The following UNC5C variants were observed in gnomAD, a reference collection of about 807,000 sequenced individuals.
The protein encoded by UNC5C is unc-5 netrin receptor C.
UNC5C carries 47 observed loss-of-function variants against 99.8 expected under a neutral mutation model. The observed-to-expected ratio is 0.47, with a 90% CI of 0.37 to 0.60. The LOEUF is 0.60. UNC5C is among the 20% of genes least tolerant of loss of function. The probability of loss-of-function intolerance (pLI) is 0.00; values close to 1 mark genes in which losing one functional copy is unlikely to be tolerated. For missense variants in UNC5C, 1,062 were observed against 1,165.9 expected, an observed-to-expected ratio of 0.91 and a Z score of 1.30; for synonymous variants, 487 against 452.2, an observed-to-expected ratio of 1.08 and a Z score of -0.98.
At position 95,262,738 on chromosome 4, in the gene UNC5C, T is replaced by C. The variant is rs150828177; in HGVS notation, c.595-12071A>G. Among the ~76,000 whole-genome samples, 430 of 152,312 alleles carry C rather than the reference T, an allele frequency of 2.8e-3. 1 individual carries two copies. Among genetic ancestry groups the C allele is most frequent in the East Asian group, 5.0e-3 (26 of 5,178 alleles). ...GGAAATTTTTATGCCTAAAATTTATTCTATTAGAGTAAAAACCTATGGGGG... is the reference window on the plus strand; with the variant it reads ...GGAAATTTTTATGCCTAAAATTTATCCTATTAGAGTAAAAACCTATGGGGG... On this transcript the variant is annotated intron_variant, in intron 4 of 15. Transcript: ENST00000453304.
chr4:95,385,459 G>C (rs1306714745), intron 1 of UNC5C, among the ~76,000 whole-genome samples: 1 of 152,144 alleles, frequency 6.6e-6, no homozygotes, highest in Non-Finnish European at 1.5e-5. Context: ...ATAGAAAGTA[G>C]AAGAGCAATT....
chr4:95,215,053 G>GA (rs1738201005), intron 10 of UNC5C, among the ~76,000 whole-genome samples: 1 of 152,022 alleles, frequency 6.6e-6, no homozygotes, highest in African/African-American at 2.4e-5. Context: ...ACCACCCGAG[G>GA]AAAAAAATGT....
chr4:95,444,782 A>G (rs1747049305), intron 1 of UNC5C, among the ~76,000 whole-genome samples: 1 of 152,162 alleles, frequency 6.6e-6, no homozygotes, highest in African/African-American at 2.4e-5. Context: ...CTCTTGGGCT[A>G]GCTCTGAAAG....
At chr4:95,502,381 C>G (rs1208276969) in intron 1 of UNC5C, among the ~76,000 whole-genome samples, 1 of 152,076 alleles carries the variant, frequency 6.6e-6, no homozygotes, top group African/African-American at 2.4e-5. Context: ...CGATCCTCCC[C>G]TTTCGGCCTC....
chr4:95,539,684 A>G (rs144398864), intron 1 of UNC5C, among the ~76,000 whole-genome samples: 228 of 152,256 alleles, frequency 1.5e-3, no homozygotes, highest in African/African-American at 5.2e-3. Flanking sequence ...GTAAGCACAT[A>G]TATGCTCACA....
At chr4:95,477,317 A>G (rs1720954215) in intron 1 of UNC5C, among the ~76,000 whole-genome samples, 2 of 152,074 alleles carry the variant, frequency 1.3e-5, no homozygotes, top group African/African-American at 4.8e-5. Flanking sequence ...AAATGATCAC[A>G]AAATGGATCA....
chr4:95,210,985 A>G lies in UNC5C; in HGVS notation c.1734-4189T>C, dbSNP rs573754202. 7.6e-4 allele frequency among the ~76,000 whole-genome samples: 116 copies of G among 152,342 alleles called. 1 individual carries two copies. Among genetic ancestry groups the G allele is most frequent in the Non-Finnish European group, 1.1e-3 (73 of 68,026 alleles). ...CAGATATTAACACACTTGCCTAAGGATGCAAAGCTAGGTAGGTTTCAAACA... is the reference window on the plus strand; with the variant it reads ...CAGATATTAACACACTTGCCTAAGGGTGCAAAGCTAGGTAGGTTTCAAACA... On this transcript the variant is annotated intron_variant, in intron 10 of 15. Coordinates refer to ENST00000453304, the MANE Select transcript of UNC5C (RefSeq NM_003728.4).
chr4:95,249,278 C>A (rs1016962261), intron 5 of UNC5C, among the ~76,000 whole-genome samples: 2 of 152,204 alleles, frequency 1.3e-5, no homozygotes, highest in African/African-American at 4.8e-5. Flanking sequence ...TGACACATGA[C>A]TGACTGTACT....
intron 1 of UNC5C, among the ~76,000 whole-genome samples, chr4:95,421,643 C>CACACAT (rs1253250169): frequency 5.3e-5 from 8 of 151,680 alleles, no homozygotes; most frequent in Admixed American, 4.6e-4. Flanking sequence ...CACACACACA[C>CACACAT]TGCTAATTGT....
At position 95,276,121 on chromosome 4, in the gene UNC5C, C is replaced by T. The variant is rs76370968; in HGVS notation, c.594+2138G>A. On this transcript the variant is annotated intron_variant, in intron 4 of 15. Transcript: ENST00000453304. ...TACCTTTCATCCCTTTCTTTTTTAA[C>T]GTATCTGCTCCTCTTGAGCAAATGG... 2.6e-3 allele frequency among the ~76,000 whole-genome samples: 395 copies of T among 152,194 alleles called. 1 individual carries two copies. The highest frequency in any genetic ancestry group is 3.9e-3 in the Admixed American group (60 of 15,280).
At chr4:95,175,649 C>T (rs1289040167) in intron 14 of UNC5C, among the ~76,000 whole-genome samples, 43 of 151,904 alleles carry the variant, frequency 2.8e-4, no homozygotes, top group Non-Finnish European at 3.4e-4. Context: ...GTGGGTAACC[C>T]GACCTTTCTC....
In UNC5C at chr4:95,210,416, CTA is replaced by C. The variant is rs1413007398; in HGVS notation, c.1734-3622_1734-3621del. Among the ~76,000 whole-genome samples the C allele has an allele frequency of 3.3e-5, 5 of 152,240 alleles. No homozygotes were observed. In the East Asian group the frequency reaches 5.8e-4, roughly 18 times the overall value. ...AGGAGTTACGCAGGATAAGATTTAA[CTA>C]TGTGAAAACTAAGGTCAGAGTGTGT... On this transcript the variant is annotated intron_variant, in intron 10 of 15. Transcript: ENST00000453304.
chr4:95,295,149 T>C (rs1741628929), intron 3 of UNC5C, among the ~76,000 whole-genome samples: 1 of 152,178 alleles, frequency 6.6e-6, no homozygotes, highest in African/African-American at 2.4e-5. Context: ...ACCTTGTATG[T>C]TAATATTTTG....
chr4:95,538,791 T>C (rs1463961616), intron 1 of UNC5C, among the ~76,000 whole-genome samples: 1 of 152,212 alleles, frequency 6.6e-6, no homozygotes, highest in African/African-American at 2.4e-5. Flanking sequence ...AACCTGTATT[T>C]AATACAGTAG....
intron 1 of UNC5C, among the ~76,000 whole-genome samples, chr4:95,506,922 TAATA>T (rs1236578763): frequency 2.0e-5 from 3 of 151,832 alleles, no homozygotes; most frequent in African/African-American, 4.8e-5. Context: ...AGTAAGATAT[TAATA>T]AATATTATAC....
intron 7 of UNC5C, among the ~76,000 whole-genome samples, chr4:95,242,101 T>A (rs1029953576): frequency 1.3e-5 from 2 of 152,180 alleles, no homozygotes; most frequent in Admixed American, 1.3e-4. Context: ...TTAGAAGTCT[T>A]GTTTTGACTC....
At chr4:95,498,017 A>AGAGTTAGGTAATTGCTCTACCACTTC (rs1344922773) in intron 1 of UNC5C, among the ~76,000 whole-genome samples, 1 of 151,966 alleles carries the variant, frequency 6.6e-6, no homozygotes, top group Admixed American at 6.6e-5. Context: ...ACTTGGGTTT[A>AGAGTTAGGTAATTGCTCTACCACTTC]GAGTTAGGTA....
At chr4:95,357,996 A>G (rs895154880) in intron 1 of UNC5C, among the ~76,000 whole-genome samples, 4 of 152,258 alleles carry the variant, frequency 2.6e-5, no homozygotes, top group African/African-American at 9.6e-5. Flanking sequence ...CACTTGATCC[A>G]TCCCTTACAA....
chr4:95,290,100 T>A, intron 3 of UNC5C, among the ~76,000 whole-genome samples: 1 of 151,964 alleles, frequency 6.6e-6, no homozygotes, highest in East Asian at 1.9e-4. Context: ...GCCAGGGAGT[T>A]TGGAATCAAC....
Sources: allele counts gnomAD v4.1 joint callset (sites outside exome capture counted in the v4.1 genomes callset), GRCh38; gene constraint gnomAD v4.1.1; transcripts MANE v1.5; gene names NCBI Gene and HGNC (gene_info 2026-07-23, HGNC 2026-07-21).